The following CRMP1 variants were observed in gnomAD, a reference collection of about 807,000 sequenced individuals.
CRMP1 encodes the protein dihydropyrimidinase-related protein 1.
Under a neutral mutation model 68.3 loss-of-function variants are expected in CRMP1, and 19 were observed. That is an observed-to-expected ratio of 0.28 (90% CI 0.19 to 0.41). The LOEUF (loss-of-function observed/expected upper bound fraction) is 0.41, where lower values mean the gene tolerates loss of function less well. CRMP1 is among the 10% of genes least tolerant of loss of function. The probability of loss-of-function intolerance (pLI) is 1.00; values close to 1 mark genes in which losing one functional copy is unlikely to be tolerated. For synonymous variants in CRMP1, 439 were observed against 399.6 expected (o/e 1.10, Z -1.18); for missense variants, 791 against 967.4 (o/e 0.82, Z 2.42).
chr4:5,873,151 G>T (rs1454299411), intron 1 of CRMP1, among the ~76,000 whole-genome samples: 1 of 152,212 alleles, frequency 6.6e-6, no homozygotes, highest in African/African-American at 2.4e-5. Context: ...GCCAGTGAGG[G>T]AGGCTAAGTC....
In CRMP1 at chr4:5,891,958, G is replaced by GC. The variant is rs1646123040; in HGVS notation, c.381+630dup. On this transcript the variant is annotated intron_variant, in intron 1 of 13. Coordinates refer to ENST00000324989, the MANE Select transcript of CRMP1 (RefSeq NM_001014809.3). The surrounding 1 kb of genome is among the most constrained non-coding windows in gnomAD (Gnocchi z 5.2). ...GGTGTGTGCTGTGGAGCTCAGGAGT[G>GC]CCCCTTGAATCTACTGGCGCTTGAG... 6.6e-6 allele frequency among the ~76,000 whole-genome samples: 1 copy of GC among 152,178 alleles called. No homozygotes were observed. The highest frequency in any genetic ancestry group is 2.4e-5 in the African/African-American group (1 of 41,440).
chr4:5,873,235 C>A (rs529239936), intron 1 of CRMP1, among the ~76,000 whole-genome samples: 1 of 152,166 alleles, frequency 6.6e-6, no homozygotes, highest in Non-Finnish European at 1.5e-5. Context: ...CACATCAACC[C>A]TGCTAAGGGG....
Position 5,821,754 on chromosome 4 carries a change from C to A in CRMP1, c.*6G>T, listed in dbSNP as rs758342117. The A allele has an allele frequency of 1.1e-5, 17 of 1,605,798 alleles. No homozygotes were observed. Among genetic ancestry groups the A allele is most frequent in the Non-Finnish European group, 1.4e-5 (17 of 1,175,468 alleles). On this transcript the variant is annotated 3_prime_UTR_variant, in exon 14 of 14. Coordinates refer to ENST00000324989, the MANE Select transcript of CRMP1 (RefSeq NM_001014809.3). The surrounding 1 kb of genome is among the most constrained non-coding windows in gnomAD (Gnocchi z 4.4). ...CCTTCAGGCTAGCTCCTCCGCGCAT[C>A]CACGTTCAACCGAGGCTGGTGATGT...
chr4:5,884,301 C>A (rs370942871), intron 1 of CRMP1, among the ~76,000 whole-genome samples: 10 of 152,144 alleles, frequency 6.6e-5, no homozygotes, highest in African/African-American at 2.4e-4. Context: ...TGCATACTTG[C>A]AAATTAGAGC....
In CRMP1 at chr4:5,842,118, G is replaced by A. The variant is rs1255088808; in HGVS notation, c.1033-690C>T. Among the ~76,000 whole-genome samples, 1 of 152,190 alleles carries A rather than the reference G, an allele frequency of 6.6e-6. No homozygotes were observed. Among genetic ancestry groups the A allele is most frequent in the Non-Finnish European group, 1.5e-5 (1 of 68,032 alleles). On this transcript the variant is annotated intron_variant, in intron 7 of 13. Coordinates refer to ENST00000324989, the MANE Select transcript of CRMP1 (RefSeq NM_001014809.3). The surrounding 1 kb of genome is among the most constrained non-coding windows in gnomAD (Gnocchi z 4.5). ...GCCAGTGTGGTGGCAGGTGCCTGTAGTCCCAGCTACTTGGGAGGCTGAGGC... is the reference window on the plus strand; with the variant it reads ...GCCAGTGTGGTGGCAGGTGCCTGTAATCCCAGCTACTTGGGAGGCTGAGGC...
intron 3 of CRMP1, among the ~76,000 whole-genome samples, chr4:5,856,796 A>G (rs1213771074): frequency 6.7e-6 from 1 of 150,232 alleles, no homozygotes; most frequent in African/African-American, 2.5e-5. Flanking sequence ...CACCATCATC[A>G]CCACCACCAC....
chr4:5,889,525 G>C lies in CRMP1; in HGVS notation c.381+3064C>G. On this transcript the variant is annotated intron_variant, in intron 1 of 13. Transcript: ENST00000324989. This position sits in a 1 kb window ranked among gnomAD's most constrained non-coding sequence, Gnocchi z 4.5. Reference sequence around the variant, plus strand: ...CTTGACAAGGTCCGTAACAGCAGAGGGGAAAAGATGAAAGAAGATGGAGGA... The same window carrying C: ...CTTGACAAGGTCCGTAACAGCAGAGCGGAAAAGATGAAAGAAGATGGAGGA... The C allele has an allele frequency of 6.6e-7, 1 of 1,520,710 alleles. No individual in the cohort carries two copies. Among genetic ancestry groups the C allele is most frequent in the Non-Finnish European group, 8.8e-7 (1 of 1,133,234 alleles). The allele number at this position is 1,520,710 out of a possible 1,614,324, so 94.2% of individuals were successfully genotyped here.
At position 5,866,260 on chromosome 4, in the gene CRMP1, G is replaced by T. The variant is rs1232632556; in HGVS notation, c.470+408C>A. The stretch of plus-strand genomic sequence containing the variant: ...CTCAACCCAATTCCAGAAACTGTGG[G>T]TAGGTGGAAGAAAGAGCTGTGAATT... On this transcript the variant is annotated intron_variant, in intron 2 of 13. Transcript: ENST00000324989. The surrounding 1 kb of genome is among the most constrained non-coding windows in gnomAD (Gnocchi z 5.9). 6.6e-6 allele frequency among the ~76,000 whole-genome samples: 1 copy of T among 152,174 alleles called. No homozygotes were observed. The highest frequency in any genetic ancestry group is 1.5e-5 in the Non-Finnish European group (1 of 68,040).
intron 13 of CRMP1, among the ~76,000 whole-genome samples, chr4:5,822,715 C>T (rs990313212): frequency 2.6e-5 from 4 of 152,226 alleles, no homozygotes; most frequent in East Asian, 1.9e-4. Flanking sequence ...GTTGAGCCGG[C>T]GGAACTGAGG....
At chr4:5,828,293 A>C (rs536331155) in intron 12 of CRMP1, 196 bp downstream of exon 12, 2 of 985,060 alleles carry the variant, frequency 2.0e-6, no homozygotes, top group East Asian at 2.3e-4. Flanking sequence ...TGGAACTTGC[A>C]TGTCCTCATT....
In CRMP1 at chr4:5,860,906, G is replaced by T; in HGVS notation, c.655+120C>A. ...GACCTGTGTCATAGGGCTGGGGGGA[G>T]AATGAAATCCAATGGCACCCTGGGC... On this transcript the variant is annotated intron_variant, in intron 3 of 13. Coordinates refer to ENST00000324989, the MANE Select transcript of CRMP1 (RefSeq NM_001014809.3). The surrounding 1 kb of genome is among the most constrained non-coding windows in gnomAD (Gnocchi z 4.2). 2.0e-6 allele frequency: 2 copies of T among 992,852 alleles called. No homozygotes were observed. Among genetic ancestry groups the T allele is most frequent in the Non-Finnish European group, 2.9e-6 (2 of 683,358 alleles). The allele number at this position is 992,852 out of a possible 1,614,324, so 61.5% of individuals were successfully genotyped here.
chr4:5,851,409 T>C lies in CRMP1; in HGVS notation c.881A>G (p.Gln294Arg), dbSNP rs1171487605. ...AGAGAGTGAGTGTGAGGGACCTACCTGGCTGTCGGACATTTGGTAGACATC... is the reference window on the plus strand; with the variant it reads ...AGAGAGTGAGTGTGAGGGACCTACCCGGCTGTCGGACATTTGGTAGACATC... Reference protein sequence around the residue: ...YKDVYQMSDSQLYEAFTFLKG... With the variant: ...YKDVYQMSDSRLYEAFTFLKG... Residue 294 changes from glutamine (Q) to arginine (R), a missense_variant and splice_region_variant, in exon 5 of 14, where the codon CAG (glutamine) becomes CGG (arginine). By Grantham distance (43) the Gln-to-Arg change is conservative. Coordinates refer to ENST00000324989, the MANE Select transcript of CRMP1 (RefSeq NM_001014809.3). 3 of 1,614,118 alleles carry C rather than the reference T, an allele frequency of 1.9e-6. No individual in the cohort carries two copies. Among genetic ancestry groups the C allele is most frequent in the East Asian group, 2.2e-5 (1 of 44,876 alleles).
chr4:5,881,201 T>C lies in CRMP1; in HGVS notation c.381+11388A>G, dbSNP rs1279106662. Among the ~76,000 whole-genome samples the C allele has an allele frequency of 1.3e-5, 2 of 152,192 alleles. No individual in the cohort carries two copies. The highest frequency in any genetic ancestry group is 2.9e-5 in the Non-Finnish European group (2 of 68,038). ...TCATATATCCACAAACATTGCTTTC[T>C]TCCTTTTAGCTGCTTGCTCTTGTTT... On this transcript the variant is annotated intron_variant, in intron 1 of 13. Transcript: ENST00000324989. The surrounding 1 kb of genome is among the most constrained non-coding windows in gnomAD (Gnocchi z 4.6).
chr4:5,868,270 T>G (rs1282730755), intron 1 of CRMP1, among the ~76,000 whole-genome samples: 2 of 17,656 alleles, frequency 1.1e-4, no homozygotes, highest in Admixed American at 4.5e-4. Flanking sequence ...TCTATATATA[T>G]ATATATATAT....
intron 4 of CRMP1, among the ~76,000 whole-genome samples, chr4:5,852,852 A>G (rs1712763363): frequency 6.6e-6 from 1 of 152,054 alleles, no homozygotes; most frequent in African/African-American, 2.4e-5. Flanking sequence ...TTCCCAGGGG[A>G]GTACAGCTCA....
chr4:5,869,545 G>T (rs1348244532), intron 1 of CRMP1, among the ~76,000 whole-genome samples: 1 of 152,010 alleles, frequency 6.6e-6, no homozygotes. Context: ...TTAGCCAGGT[G>T]TGGTGGCAGA....
chr4:5,831,448 G>T (rs938405414), intron 11 of CRMP1, among the ~76,000 whole-genome samples: 1 of 152,106 alleles, frequency 6.6e-6, no homozygotes, highest in East Asian at 1.9e-4. Flanking sequence ...TGCCAGCCTC[G>T]CAGGACCCAG....
chr4:5,884,762 T>A (rs1253480997), intron 1 of CRMP1, among the ~76,000 whole-genome samples: 1 of 152,150 alleles, frequency 6.6e-6, no homozygotes, highest in Non-Finnish European at 1.5e-5. Flanking sequence ...TGAAGCTTCA[T>A]TTTTAATAAT....
At position 5,888,228 on chromosome 4, in the gene CRMP1, C is replaced by T. The variant is rs942304224; in HGVS notation, c.381+4361G>A. The T allele has an allele frequency of 3.9e-6, 5 of 1,275,960 alleles. No individual in the cohort carries two copies. The African/African-American group carries it at 6.1e-5, about 16-fold the overall frequency. The allele number at this position is 1,275,960 out of a possible 1,614,324, so 79.0% of individuals were successfully genotyped here. The stretch of plus-strand genomic sequence containing the variant: ...GGCGGCGGGGGCGGGGGCCGCTTAC[C>T]GTGATGTGCGGGATGCTCTTCTTGC... On this transcript the variant is annotated intron_variant, in intron 1 of 13. Transcript: ENST00000324989. The surrounding 1 kb of genome is among the most constrained non-coding windows in gnomAD (Gnocchi z 6.4).
Sources: allele counts gnomAD v4.1 joint callset (sites outside exome capture counted in the v4.1 genomes callset), GRCh38; gene constraint gnomAD v4.1.1; non-coding constraint Gnocchi (gnomAD v3.1); transcripts MANE v1.5; gene names NCBI Gene and HGNC (gene_info 2026-07-23, HGNC 2026-07-21).